The following SAMD5 variants were observed in gnomAD, a reference collection of about 807,000 sequenced individuals.
SAMD5 encodes the protein sterile alpha motif domain containing 5, also known as sterile alpha motif domain-containing protein 5.
Under a neutral mutation model 11.3 loss-of-function variants are expected in SAMD5, and 13 were observed. The ratio of observed to expected loss-of-function variants is 1.15; its 90% CI spans 0.75 to 1.83. SAMD5 has a LOEUF of 1.83. SAMD5 is among the 40% of genes most tolerant of loss of function. The pLI, the probability that SAMD5 is intolerant of heterozygous loss-of-function variation, is 0.00. For missense variants in SAMD5, 255 were observed against 239.1 expected, an observed-to-expected ratio of 1.07 and a Z score of -0.44; for synonymous variants, 129 against 111.3, an observed-to-expected ratio of 1.16 and a Z score of -1.00.
chr6:147,868,542 A>T, the SAMD5 span, among the ~76,000 whole-genome samples: 47 of 151,970 alleles, frequency 3.1e-4, no homozygotes, highest in Non-Finnish European at 6.2e-4. Context: ...TTAAAAATAG[A>T]GTTCAAATTC....
intron 1 of SAMD5, among the ~76,000 whole-genome samples, chr6:147,523,769 T>C (rs1788291562): frequency 6.6e-6 from 1 of 152,220 alleles, no homozygotes; most frequent in African/African-American, 2.4e-5. Context: ...AAGTGGAAAC[T>C]GATAATTTGC....
At position 147,509,182 on chromosome 6, in the gene SAMD5, C is replaced by T. The variant is rs565901028; in HGVS notation, c.254C>T (p.Pro85Leu). 3 of 1,285,732 alleles carry T rather than the reference C, an allele frequency of 2.3e-6. No individual in the cohort carries two copies. The East Asian group carries it at 9.6e-5, about 41-fold the overall frequency. The allele number at this position is 1,285,732 out of a possible 1,614,324, so 79.6% of individuals were successfully genotyped here. A position where few individuals can be genotyped will look rare whatever the true frequency, so the allele number is the denominator to read the frequency against. Residue 85 changes from proline (P) to leucine (L), a missense_variant, in exon 1 of 2, where the codon CCG becomes CTG. Transcript: ENST00000367474. ...GAGCCGCAGCCGGCGCCCCCCGGGC[C>T]GCCCGCCGACGCCGTCCCCACCGGC... ...TLEPQPAPPG[P>L]PADAVPTGRR...
Position 147,675,570 on chromosome 6 carries a change from T to A in SAMD5, c.163-61747T>A, listed in dbSNP as rs192076215. Among the ~76,000 whole-genome samples, 5 of 152,340 alleles carry A rather than the reference T, an allele frequency of 3.3e-5. No homozygotes were observed. In the East Asian group the frequency reaches 9.6e-4, roughly 29 times the overall value. ...ATTTTAACTTATTCTACGCGGGTTT[T>A]GTATGTGTAGGAGTTTTTGCCAGTG... is the stretch of plus-strand genomic sequence containing the variant. On this transcript the variant is annotated intron_variant, in intron 1 of 1. Coordinates refer to the SAMD5 transcript ENST00000566741.
At chr6:147,797,814 G>A in the SAMD5 span, among the ~76,000 whole-genome samples, 1 of 149,092 alleles carries the variant, frequency 6.7e-6, no homozygotes, top group East Asian at 2.0e-4. Context: ...TATGTGTCGA[G>A]GAATGTATCC....
chr6:147,816,301 A>AAAAAAAAAAAAATATATATATAT, the SAMD5 span, among the ~76,000 whole-genome samples: 2 of 66,352 alleles, frequency 3.0e-5, no homozygotes, highest in Non-Finnish European at 4.8e-5. Context: ...AAAAAAAAAA[A>AAAAAAAAAAAAATATATATATAT]ATATATATAT....
At chr6:147,650,090 C>A (rs774710501) in intron 1 of SAMD5, among the ~76,000 whole-genome samples, 1 of 152,204 alleles carries the variant, frequency 6.6e-6, no homozygotes, top group Non-Finnish European at 1.5e-5. Flanking sequence ...GCACCTTGAA[C>A]TAGTATTGCC....
chr6:147,821,066 C>G, the SAMD5 span, among the ~76,000 whole-genome samples: 7 of 152,176 alleles, frequency 4.6e-5, no homozygotes, highest in African/African-American at 1.7e-4. Flanking sequence ...GCCAGGCACA[C>G]AGTAGGGACT....
At chr6:147,877,428 G>A in the SAMD5 span, among the ~76,000 whole-genome samples, 1 of 152,068 alleles carries the variant, frequency 6.6e-6, no homozygotes, top group Non-Finnish European at 1.5e-5. Context: ...TAGTAGGCAA[G>A]CAAGCATGGA....
chr6:147,795,335 G>A, the SAMD5 span, among the ~76,000 whole-genome samples: 1 of 142,092 alleles, frequency 7.0e-6, no homozygotes, highest in African/African-American at 2.8e-5. Context: ...TTGTCCTGGC[G>A]ATAGTTTACT....
intron 1 of SAMD5, among the ~76,000 whole-genome samples, chr6:147,647,210 C>G (rs1026626922): frequency 1.3e-5 from 2 of 151,938 alleles, no homozygotes; most frequent in African/African-American, 4.8e-5. Context: ...ATTTATTACT[C>G]ATTAAGTAAA....
At chr6:147,806,031 A>G in the SAMD5 span, among the ~76,000 whole-genome samples, 1 of 152,144 alleles carries the variant, frequency 6.6e-6, no homozygotes, top group African/African-American at 2.4e-5. Context: ...AGCAAGCAGG[A>G]AACCATTTGT....
chr6:147,924,156 A>G, the SAMD5 span, among the ~76,000 whole-genome samples: 6 of 152,082 alleles, frequency 3.9e-5, no homozygotes, highest in Non-Finnish European at 8.8e-5. Context: ...GACCTTGCCA[A>G]TGGGGGGAAA....
the SAMD5 span, among the ~76,000 whole-genome samples, chr6:147,893,700 G>A: frequency 6.6e-6 from 1 of 152,098 alleles, no homozygotes; most frequent in Non-Finnish European, 1.5e-5. Flanking sequence ...AGCAGCTTAT[G>A]AGTGCATTTC....
chr6:147,509,689 T>C (rs1412472488), intron 1 of SAMD5, among the ~76,000 whole-genome samples: 2 of 152,162 alleles, frequency 1.3e-5, no homozygotes, highest in Non-Finnish European at 2.9e-5. Flanking sequence ...CTTCACCTGG[T>C]AGCCAGGGGG....
In SAMD5 at chr6:147,530,010, T is replaced by C. The variant is rs370070580; in HGVS notation, c.459+20623T>C. Reference sequence around the variant, plus strand: ...TAAAAATGTCATGTGCAGTTGGGATTCTTCAGCACCTTTTCTTATGGTGTT... The same window carrying C: ...TAAAAATGTCATGTGCAGTTGGGATCCTTCAGCACCTTTTCTTATGGTGTT... On this transcript the variant is annotated intron_variant, in intron 1 of 1. Transcript: ENST00000367474. Among the ~76,000 whole-genome samples, 67 of 152,358 alleles carry C rather than the reference T, an allele frequency of 4.4e-4. No homozygotes were observed. The East Asian group carries it at 9.2e-3, about 21-fold the overall frequency.
chr6:147,781,506 C>G, the SAMD5 span, among the ~76,000 whole-genome samples: 1 of 152,036 alleles, frequency 6.6e-6, no homozygotes, highest in African/African-American at 2.4e-5. Flanking sequence ...TGATGTTCAT[C>G]TTACTGAGAA....
At chr6:147,636,605 G>A (rs1017738019) in intron 1 of SAMD5, among the ~76,000 whole-genome samples, 1 of 152,070 alleles carries the variant, frequency 6.6e-6, no homozygotes, top group Non-Finnish European at 1.5e-5. Flanking sequence ...CAATTTTTTT[G>A]TGGTCACTAC....
intron 1 of SAMD5, among the ~76,000 whole-genome samples, chr6:147,578,294 C>G (rs758740742): frequency 4.6e-5 from 7 of 152,124 alleles, no homozygotes; most frequent in Non-Finnish European, 7.4e-5. Context: ...CTGTTTCTCT[C>G]TCTCGTATAA....
chr6:147,890,190 C>T, the SAMD5 span, among the ~76,000 whole-genome samples: 1 of 151,776 alleles, frequency 6.6e-6, no homozygotes, highest in East Asian at 1.9e-4. Context: ...GAAAAAAATA[C>T]TACTATTAAA....
Sources: allele counts gnomAD v4.1 joint callset (sites outside exome capture counted in the v4.1 genomes callset), GRCh38; gene constraint gnomAD v4.1.1; transcripts MANE v1.5; gene names NCBI Gene and HGNC (gene_info 2026-07-23, HGNC 2026-07-21).